The following ROBO2 variants were observed in gnomAD, a reference collection of about 807,000 sequenced individuals.
ROBO2 encodes the protein roundabout homolog 2.
In ROBO2, 53 loss-of-function variants were observed where a neutral mutation model predicts 160.8. The ratio of observed to expected loss-of-function variants is 0.33; its 90% confidence interval spans 0.26 to 0.41. The LOEUF (loss-of-function observed/expected upper bound fraction) is 0.41. Ranked by LOEUF, ROBO2 falls within the 10% of genes least tolerant of loss-of-function variation. The pLI is 1.00. For synonymous variants in ROBO2, 664 were observed against 611.7 expected, an observed-to-expected ratio of 1.09 and a Z score of -1.26; for missense variants, 1,577 against 1,722.4, an observed-to-expected ratio of 0.92 and a Z score of 1.49.
intron 2 of ROBO2, among the ~76,000 whole-genome samples, chr3:76,994,304 T>A (rs2149386074): frequency 6.6e-6 from 1 of 152,310 alleles, no homozygotes; most frequent in African/African-American, 2.4e-5. Flanking sequence ...TAGGACTTTG[T>A]GTACTGGCTT....
chr3:76,939,999 T>TTTTTTTTTTA (rs2078054622), intron 2 of ROBO2, among the ~76,000 whole-genome samples: 1 of 144,558 alleles, frequency 6.9e-6, no homozygotes, highest in African/African-American at 2.5e-5. Context: ...TTTTTTTTTT[T>TTTTTTTTTTA]GAGACGGAGT....
chr3:76,316,507 C>T (rs1559752784), intron 2 of ROBO2, among the ~76,000 whole-genome samples: 2 of 152,240 alleles, frequency 1.3e-5, no homozygotes, highest in East Asian at 3.9e-4. Context: ...TCCCTTGTTC[C>T]CTGAAAATCG....
intron 2 of ROBO2, among the ~76,000 whole-genome samples, chr3:76,765,006 C>G (rs2061498891): frequency 6.6e-6 from 1 of 151,570 alleles, no homozygotes; most frequent in Non-Finnish European, 1.5e-5. Context: ...GCACCCTTCA[C>G]CCAAATAGTG....
At chr3:76,983,913 T>C (rs1468626420) in intron 2 of ROBO2, among the ~76,000 whole-genome samples, 1 of 152,202 alleles carries the variant, frequency 6.6e-6, no homozygotes, top group Non-Finnish European at 1.5e-5. Context: ...AGAAGTTTAA[T>C]TGACTCGCAG....
At chr3:77,017,770 C>A (rs1350729182) in intron 2 of ROBO2, among the ~76,000 whole-genome samples, 1 of 151,786 alleles carries the variant, frequency 6.6e-6, no homozygotes, top group Non-Finnish European at 1.5e-5. Flanking sequence ...TCTTGACCTG[C>A]ACCCTAATTT....
intron 24 of ROBO2, among the ~76,000 whole-genome samples, 156 bp downstream of exon 25, chr3:77,635,199 T>G (rs1028977796): frequency 6.6e-6 from 1 of 152,068 alleles, no homozygotes; most frequent in Admixed American, 6.5e-5. Context: ...TAAAACACCA[T>G]TTTTAAAAAC....
rs577584694 is a variant in ROBO2 at position 77,448,387 on chromosome 3, T to G, written c.389-29027T>G. Among the ~76,000 whole-genome samples the G allele has an allele frequency of 5.6e-4, 85 of 152,232 alleles. 2 individuals are homozygous for G. In the South Asian group the frequency reaches 0.017, roughly 30 times the overall value. On this transcript the variant is annotated intron_variant, in intron 2 of 25. Transcript: ENST00000461745. ...GCCACCTTTGGCCATTCAGCTTCAG[T>G]AAAGATCCCTTGATGACTGTAGATG...
chr3:76,216,071 G>A (rs913909625), intron 2 of ROBO2, among the ~76,000 whole-genome samples: 3 of 152,146 alleles, frequency 2.0e-5, no homozygotes, highest in Non-Finnish European at 2.9e-5. Context: ...AGCTTCATAA[G>A]TGAAGGAGAA....
At chr3:77,226,598 C>T (rs114808106) in intron 2 of ROBO2, among the ~76,000 whole-genome samples, 172 of 152,192 alleles carry the variant, frequency 1.1e-3, no homozygotes, top group African/African-American at 3.9e-3. Flanking sequence ...AGATTGCAGA[C>T]TGCCTTGACT....
chr3:76,210,512 A>C (rs1207612569), intron 2 of ROBO2, among the ~76,000 whole-genome samples: 4 of 152,090 alleles, frequency 2.6e-5, no homozygotes, highest in Admixed American at 2.6e-4. Context: ...TTGATTATTA[A>C]GTGTAAAAAA....
rs569450662 is a variant in ROBO2, at chr3:75,927,576, A to G, written c.-13-9905A>G. Among the ~76,000 whole-genome samples the G allele has an allele frequency of 3.5e-4, 54 of 152,350 alleles. No individual in the cohort carries two copies. The East Asian group carries it at 9.6e-3, about 27-fold the overall frequency. ...ATCTTCCACATAGTCACAGGCAATC[A>G]CAAGCTAACACGAGCAGGTAGCACA... On this transcript the variant is annotated intron_variant, in intron 1 of 26. Coordinates refer to the ROBO2 transcript ENST00000487694.
intron 2 of ROBO2, among the ~76,000 whole-genome samples, chr3:76,455,983 A>G (rs1207142693): frequency 6.6e-6 from 1 of 152,200 alleles, no homozygotes; most frequent in Admixed American, 6.5e-5. Context: ...CTATGAATAC[A>G]CAAAAAGGCT....
At chr3:76,878,278 G>A (rs938426305) in intron 2 of ROBO2, among the ~76,000 whole-genome samples, 2 of 152,126 alleles carry the variant, frequency 1.3e-5, no homozygotes, top group East Asian at 3.9e-4. Flanking sequence ...TTAATACTTT[G>A]TGTATCTTTT....
At chr3:77,097,925 G>C in intron 1 of ROBO2, 89 bp from the exon 2 acceptor site, 2 of 1,155,212 alleles carry the variant, frequency 1.7e-6, no homozygotes, top group Non-Finnish European at 2.4e-6. Context: ...TAATCGAAGA[G>C]TTTAATTTCC....
intron 5 of ROBO2, among the ~76,000 whole-genome samples, chr3:77,501,164 C>T (rs2087543880): frequency 6.6e-6 from 1 of 152,132 alleles, no homozygotes; most frequent in Non-Finnish European, 1.5e-5. Context: ...CAACATTTTA[C>T]CTTAAACCAA....
At chr3:77,209,521 G>A (rs142148124) in intron 2 of ROBO2, among the ~76,000 whole-genome samples, 6 of 152,172 alleles carry the variant, frequency 3.9e-5, no homozygotes, top group Non-Finnish European at 8.8e-5. Context: ...AATGTCATTA[G>A]ACAATCAATT....
At chr3:76,720,292 GA>G (rs1386510439) in intron 2 of ROBO2, among the ~76,000 whole-genome samples, 1 of 152,088 alleles carries the variant, frequency 6.6e-6, no homozygotes, top group Non-Finnish European at 1.5e-5. Context: ...GTGAGGAAAG[GA>G]AAAAATCTAT....
At chr3:77,457,823 A>G (rs2081837350) in intron 2 of ROBO2, among the ~76,000 whole-genome samples, 1 of 151,980 alleles carries the variant, frequency 6.6e-6, no homozygotes, top group Non-Finnish European at 1.5e-5. Flanking sequence ...TAAATATTAT[A>G]TTAATTTAAT....
intron 2 of ROBO2, among the ~76,000 whole-genome samples, chr3:76,375,118 T>A (rs933440196): frequency 6.6e-6 from 1 of 151,898 alleles, no homozygotes; most frequent in African/African-American, 2.4e-5. Flanking sequence ...TGAAATTCTC[T>A]ATAAAGGAGT....
Sources: gnomAD v4.1 joint callset for allele counts (sites outside exome capture counted in the v4.1 genomes callset) on GRCh38, gnomAD v4.1.1 for gene constraint, MANE v1.5 for transcripts, NCBI Gene and HGNC (gene_info 2026-07-23, HGNC 2026-07-21) for gene names.